XKR4: variants seen among roughly 807,000 people sequenced by gnomAD.
XKR4 encodes the protein XK related 4.
XKR4 carries 12 observed loss-of-function variants against 53.9 expected under a neutral mutation model. That is an observed-to-expected ratio of 0.22 (90% confidence interval 0.14 to 0.36). The LOEUF is 0.36. Among genes scored for constraint, XKR4 ranks in the 10% least tolerant of loss-of-function variants. The pLI is 1.00. For synonymous variants in XKR4, 354 were observed against 362.4 expected (o/e 0.98, Z 0.26); for missense variants, 799 against 859.5 (o/e 0.93, Z 0.88).
At chr8:55,350,747 T>C (rs1402687528) in intron 1 of XKR4, among the ~76,000 whole-genome samples, 3 of 146,698 alleles carry the variant, frequency 2.0e-5, no homozygotes, top group Non-Finnish European at 4.5e-5. Context: ...TCTTTTTTTT[T>C]TTTTTTTTTT....
At chr8:55,309,566 C>A (rs969509354) in intron 1 of XKR4, among the ~76,000 whole-genome samples, 1 of 152,046 alleles carries the variant, frequency 6.6e-6, no homozygotes, top group East Asian at 1.9e-4. Context: ...CACAAGCACA[C>A]AAATAAGTAC....
rs1489695695 is a variant in XKR4 at position 55,538,019 on chromosome 8, T to C, written c.*13792T>C. The C allele has an allele frequency of 6.6e-6, 1 of 152,262 alleles. No homozygotes were observed. The highest frequency in any genetic ancestry group is 1.5e-5 in the Non-Finnish European group (1 of 68,046). The allele number at this position is 152,262 out of a possible 1,614,324, so 9.4% of individuals were successfully genotyped here. A position where few individuals can be genotyped will look rare whatever the true frequency, so the allele number is the denominator to read the frequency against. ...GTAGTACGATAATCAATGGAATTTATGGTGTCGTAGAAAACCAAAAATCCA... is the reference window on the plus strand; with the variant it reads ...GTAGTACGATAATCAATGGAATTTACGGTGTCGTAGAAAACCAAAAATCCA... On this transcript the variant is annotated 3_prime_UTR_variant, in exon 3 of 3. Transcript: ENST00000327381.
At chr8:55,169,449 CA>C (rs1305919663) in intron 1 of XKR4, among the ~76,000 whole-genome samples, 1 of 152,218 alleles carries the variant, frequency 6.6e-6, no homozygotes, top group East Asian at 1.9e-4. Flanking sequence ...TTTAGAGTTA[CA>C]GAAGGGTATC....
chr8:55,144,805 CTATTTTATTTTATTTTATTT>C lies in XKR4; in HGVS notation c.806+41526_806+41545del, dbSNP rs57869559. Among the ~76,000 whole-genome samples, 2 of 138,918 alleles carry C rather than the reference CTATTTTATTTTATTTTATTT, an allele frequency of 1.4e-5. 1 individual carries two copies. The highest frequency in any genetic ancestry group is 3.1e-5 in the Non-Finnish European group (2 of 64,340). 91.1% of individuals were successfully genotyped at this position (138,918 alleles called of 152,430 possible). ...ACCCTCCCTATTCACAGTATTACCA[CTATTTTATTTTATTTTATTT>C]TATTTTATTTTATTATTATTTTTTG... On this transcript the variant is annotated intron_variant, in intron 1 of 2. Coordinates refer to ENST00000327381, the MANE Select transcript of XKR4 (RefSeq NM_052898.2).
intron 2 of XKR4, among the ~76,000 whole-genome samples, chr8:55,369,943 C>T (rs1372820332): frequency 1.3e-5 from 2 of 152,000 alleles, no homozygotes; most frequent in African/African-American, 4.8e-5. Flanking sequence ...GTCTGCAGTC[C>T]CAGCTACTCA....
intron 2 of XKR4, among the ~76,000 whole-genome samples, chr8:55,364,454 C>A (rs1803945060): frequency 6.6e-6 from 1 of 152,206 alleles, no homozygotes; most frequent in African/African-American, 2.4e-5. Context: ...CCCGATGCCC[C>A]TCAGGACACT....
intron 1 of XKR4, among the ~76,000 whole-genome samples, chr8:55,256,177 G>A (rs1818437316): frequency 6.6e-6 from 1 of 152,102 alleles, no homozygotes; most frequent in Non-Finnish European, 1.5e-5. Flanking sequence ...ACTTCATAGA[G>A]TCTTATGTTG....
chr8:55,468,307 A>AT (rs1012756797), intron 2 of XKR4, among the ~76,000 whole-genome samples: 47 of 152,194 alleles, frequency 3.1e-4, no homozygotes, highest in African/African-American at 1.0e-3. Context: ...AACTTCAATT[A>AT]TTTTTTTCAT....
intron 1 of XKR4, among the ~76,000 whole-genome samples, chr8:55,305,821 C>A (rs1586000646): frequency 6.6e-6 from 1 of 152,146 alleles, no homozygotes; most frequent in South Asian, 2.1e-4. Context: ...TATATTGATC[C>A]ATGAAATGAT....
intron 1 of XKR4, among the ~76,000 whole-genome samples, chr8:55,282,703 C>A (rs531288791): frequency 6.6e-6 from 1 of 152,244 alleles, no homozygotes; most frequent in Admixed American, 6.5e-5. Flanking sequence ...AATTTTGACA[C>A]GAGATTTGGA....
At chr8:55,246,669 T>A (rs186824769) in intron 1 of XKR4, among the ~76,000 whole-genome samples, 2 of 152,256 alleles carry the variant, frequency 1.3e-5, no homozygotes, top group African/African-American at 4.8e-5. Flanking sequence ...TCATGGGTAT[T>A]CTGTAAGGTT....
intron 2 of XKR4, among the ~76,000 whole-genome samples, chr8:55,376,259 T>A (rs1804151181): frequency 6.6e-6 from 1 of 152,190 alleles, no homozygotes; most frequent in African/African-American, 2.4e-5. Context: ...ATGGGATTGC[T>A]GGGTAAAATG....
intron 1 of XKR4, among the ~76,000 whole-genome samples, chr8:55,125,507 T>A (rs1816452744): frequency 6.6e-6 from 1 of 152,238 alleles, no homozygotes; most frequent in African/African-American, 2.4e-5. Context: ...GTCCTGGGAT[T>A]ACAGGCATGA....
At chr8:55,168,638 G>A (rs1310732693) in intron 1 of XKR4, among the ~76,000 whole-genome samples, 1 of 152,054 alleles carries the variant, frequency 6.6e-6, no homozygotes, top group African/African-American at 2.4e-5. Flanking sequence ...CTCTCTTGTT[G>A]TTTTTAATTC....
intron 1 of XKR4, among the ~76,000 whole-genome samples, chr8:55,140,560 G>T (rs899880519): frequency 5.3e-5 from 8 of 152,216 alleles, no homozygotes; most frequent in African/African-American, 1.9e-4. Context: ...GCTAATAAAA[G>T]GTGGGCTAGA....
chr8:55,374,643 A>G (rs909413892), intron 2 of XKR4, among the ~76,000 whole-genome samples: 3 of 152,228 alleles, frequency 2.0e-5, no homozygotes, highest in Admixed American at 2.0e-4. Flanking sequence ...TGCAACAGGA[A>G]GAGCATGGGG....
At position 55,102,767 on chromosome 8, in the gene XKR4, G is replaced by C. The variant is rs1816067690; in HGVS notation, c.279G>C (p.Ser93=). 6.7e-7 allele frequency: 1 copy of C among 1,484,548 alleles called. No homozygotes were observed. Among genetic ancestry groups the C allele is most frequent in the Non-Finnish European group, 8.9e-7 (1 of 1,122,562 alleles). The allele number at this position is 1,484,548 out of a possible 1,614,324, so 92.0% of individuals were successfully genotyped here. Residue 93 remains serine (S), a synonymous_variant, in exon 1 of 3, where the codon TCG becomes TCC. Coordinates refer to ENST00000327381, the MANE Select transcript of XKR4 (RefSeq NM_052898.2). The surrounding 1 kb of genome is among the most constrained non-coding windows in gnomAD (Gnocchi z 5.1). ...VAGPGGGGAG[S]AALCLRLGRE... is the part of the protein sequence containing the mutation. ...GCCCGGGCGGCGGCGGGGCGGGCTCGGCTGCGCTGTGCCTGCGCCTGGGCA... is the reference window on the plus strand; with the variant it reads ...GCCCGGGCGGCGGCGGGGCGGGCTCCGCTGCGCTGTGCCTGCGCCTGGGCA...
At chr8:55,521,934 T>A (rs139860042) in intron 2 of XKR4, among the ~76,000 whole-genome samples, 76 of 152,354 alleles carry the variant, frequency 5.0e-4, no homozygotes, top group African/African-American at 1.8e-3. Context: ...GGGGCCTGGT[T>A]ATGATTAATA....
chr8:55,418,490 G>A (rs111911186), intron 2 of XKR4, among the ~76,000 whole-genome samples: 2,842 of 152,220 alleles, frequency 0.019, 33 homozygotes, highest in Middle Eastern at 0.037. Flanking sequence ...TTCAGCATGC[G>A]TCTCACCCCC....
Sources: gnomAD v4.1 joint callset for allele counts (sites outside exome capture counted in the v4.1 genomes callset) on GRCh38, gnomAD v4.1.1 for gene constraint, Gnocchi (gnomAD v3.1) non-coding constraint, MANE v1.5 for transcripts, NCBI Gene and HGNC (gene_info 2026-07-23, HGNC 2026-07-21) for gene names.